The following ARHGAP15 variants were observed in gnomAD, a reference collection of about 807,000 sequenced individuals.
The protein encoded by ARHGAP15 is Rho GTPase activating protein 15.
Under a neutral mutation model 63.7 loss-of-function variants are expected in ARHGAP15, and 51 were observed. The ratio of observed to expected loss-of-function variants is 0.80; its 90% CI spans 0.64 to 1.01. The LOEUF (loss-of-function observed/expected upper bound fraction) is 1.01. Among genes scored for constraint, ARHGAP15 ranks in the 50% least tolerant of loss-of-function variants. ARHGAP15 has a pLI of 0.00. For missense variants in ARHGAP15, 560 were observed against 564.6 expected, an observed-to-expected ratio of 0.99 and a Z score of 0.08; for synonymous variants, 191 against 193.8, an observed-to-expected ratio of 0.99 and a Z score of 0.12.
intron 12 of ARHGAP15, among the ~76,000 whole-genome samples, chr2:143,675,074 C>A (rs1254739467): frequency 6.6e-6 from 1 of 152,208 alleles, no homozygotes. Context: ...GCTTTATCAA[C>A]CAAGTGTATG....
chr2:143,679,662 T>C (rs971611565), intron 12 of ARHGAP15, among the ~76,000 whole-genome samples: 17 of 27,154 alleles, frequency 6.3e-4, no homozygotes, highest in Non-Finnish European at 2.3e-3. Context: ...TGCGTGTGTG[T>C]GTGTGTGTGT....
intron 6 of ARHGAP15, among the ~76,000 whole-genome samples, chr2:143,368,056 A>G (rs1686372736): frequency 6.6e-6 from 1 of 152,060 alleles, no homozygotes; most frequent in Non-Finnish European, 1.5e-5. Flanking sequence ...AGTGGTGCAT[A>G]TATGCTAACA....
At position 143,239,990 on chromosome 2, in the gene ARHGAP15, CAA is replaced by C. The variant is rs60960176; in HGVS notation, c.385-10491_385-10490del. ...TGGGTGATAGAGTGAGACTCTGTCT[CAA>C]AAAAAAAAAAAAAAAAAAAAAAAAA... On this transcript the variant is annotated intron_variant, in intron 5 of 13. Coordinates refer to ENST00000295095, the MANE Select transcript of ARHGAP15 (RefSeq NM_018460.4). Among the ~76,000 whole-genome samples the C allele has an allele frequency of 7.1e-3, 186 of 26,382 alleles. 1 individual carries two copies. Among genetic ancestry groups the C allele is most frequent in the African/African-American group, 0.017 (131 of 7,846 alleles). The allele number at this position is 26,382 out of a possible 152,430, so 17.3% of individuals were successfully genotyped here.
intron 6 of ARHGAP15, among the ~76,000 whole-genome samples, chr2:143,298,212 A>G (rs1682732892): frequency 6.6e-6 from 1 of 151,944 alleles, no homozygotes; most frequent in Non-Finnish European, 1.5e-5. Flanking sequence ...TCATCCACGT[A>G]TGTATTGCTA....
intron 10 of ARHGAP15, among the ~76,000 whole-genome samples, chr2:143,523,145 C>A (rs985837491): frequency 1.3e-5 from 2 of 152,068 alleles, no homozygotes; most frequent in Admixed American, 6.6e-5. Context: ...ATGAAGCAAT[C>A]GAAGCCAAAT....
rs550883988 is a variant in ARHGAP15, at chr2:143,225,330, G to A, written c.297-3251G>A. ...TTAAAAAAAAACAGCGGCCGGGCGC[G>A]GTGGCTCACTCCTGTAATCCCAGCA... On this transcript the variant is annotated intron_variant, in intron 4 of 13. Coordinates refer to ENST00000295095, the MANE Select transcript of ARHGAP15 (RefSeq NM_018460.4). 6.6e-5 allele frequency among the ~76,000 whole-genome samples: 10 copies of A among 152,202 alleles called. No homozygotes were observed. In the South Asian group the frequency reaches 8.3e-4, roughly 13 times the overall value.
intron 8 of ARHGAP15, among the ~76,000 whole-genome samples, chr2:143,460,543 CTTTAT>C (rs1456971084): frequency 1.3e-5 from 2 of 152,114 alleles, no homozygotes; most frequent in Non-Finnish European, 2.9e-5. Context: ...AAATTAGAAT[CTTTAT>C]TTTATACTAA....
chr2:143,579,987 TTC>T (rs201410867), intron 11 of ARHGAP15, among the ~76,000 whole-genome samples: 26,815 of 143,104 alleles, frequency 0.19, 2,875 homozygotes, highest in Middle Eastern at 0.28. Context: ...AAACAAATGT[TTC>T]TTCAAAACAT....
At chr2:143,184,742 C>T (rs1353329427) in intron 2 of ARHGAP15, among the ~76,000 whole-genome samples, 8 of 152,012 alleles carry the variant, frequency 5.3e-5, no homozygotes, top group South Asian at 4.1e-4. Flanking sequence ...AGTACAGTGG[C>T]GTGTTTATAG....
At chr2:143,260,626 T>C (rs74992247) in intron 6 of ARHGAP15, among the ~76,000 whole-genome samples, 6,078 of 152,246 alleles carry the variant, frequency 0.04, 161 homozygotes, top group Middle Eastern at 0.11. Context: ...GAATTAATAT[T>C]ATCCTTTACA....
rs745518068 is a variant in ARHGAP15, at chr2:143,470,140, TA to T, written c.704-17232del. 2.1e-3 allele frequency among the ~76,000 whole-genome samples: 253 copies of T among 118,096 alleles called. 3 individuals are homozygous for T. Among genetic ancestry groups the T allele is most frequent in the Non-Finnish European group, 3.6e-3 (208 of 57,186 alleles). 77.5% of individuals were successfully genotyped at this position (118,096 alleles called of 152,430 possible). A position where few individuals can be genotyped will look rare whatever the true frequency, so the allele number is the denominator to read the frequency against. ...AATGATTTCAGTATATCCATGGATG[TA>T]TAAGTATCCTTAAAAAAAATTTAAC... On this transcript the variant is annotated intron_variant, in intron 8 of 13. Transcript: ENST00000295095.
intron 3 of ARHGAP15, 70 bp from the exon 4 acceptor site, chr2:143,216,314 G>A: frequency 1.7e-6 from 2 of 1,190,654 alleles, no homozygotes; most frequent in Non-Finnish European, 1.2e-6. Flanking sequence ...CTCTTGAAAA[G>A]CATAGGTTTA....
intron 2 of ARHGAP15, among the ~76,000 whole-genome samples, chr2:143,190,878 C>A (rs1452011699): frequency 1.3e-5 from 2 of 152,210 alleles, no homozygotes; most frequent in African/African-American, 2.4e-5. Flanking sequence ...TCAAGCGATT[C>A]TCCTGCCTCA....
At chr2:143,581,564 A>G (rs893335419) in intron 11 of ARHGAP15, among the ~76,000 whole-genome samples, 2 of 152,176 alleles carry the variant, frequency 1.3e-5, no homozygotes, top group Non-Finnish European at 2.9e-5. Context: ...TTAGTACTGT[A>G]TAATCATTTA....
intron 2 of ARHGAP15, among the ~76,000 whole-genome samples, chr2:143,198,169 G>C (rs1691958772): frequency 6.6e-6 from 1 of 152,016 alleles, no homozygotes; most frequent in South Asian, 2.1e-4. Context: ...TAAGGTTTGG[G>C]TGAGAATTAA....
chr2:143,661,317 G>T (rs1681759652), intron 12 of ARHGAP15, among the ~76,000 whole-genome samples: 1 of 152,126 alleles, frequency 6.6e-6, no homozygotes, highest in Non-Finnish European at 1.5e-5. Flanking sequence ...ATCATTGAAG[G>T]TCTATTATTC....
chr2:143,522,229 A>T (rs1694088151), intron 10 of ARHGAP15, among the ~76,000 whole-genome samples: 1 of 152,168 alleles, frequency 6.6e-6, no homozygotes, highest in African/African-American at 2.4e-5. Context: ...CTACCAGAGC[A>T]TTCTCCTTCT....
At chr2:143,394,639 C>G (rs1390809681) in intron 6 of ARHGAP15, among the ~76,000 whole-genome samples, 1 of 152,136 alleles carries the variant, frequency 6.6e-6, no homozygotes, top group East Asian at 1.9e-4. Context: ...TGAAGACTTT[C>G]CCAGGTTAGG....
At chr2:143,728,080 C>A (rs1352640589) in intron 13 of ARHGAP15, among the ~76,000 whole-genome samples, 1 of 152,160 alleles carries the variant, frequency 6.6e-6, no homozygotes, top group Non-Finnish European at 1.5e-5. Context: ...TACGACACAC[C>A]AGGCGGCTTA....
Sources: allele counts gnomAD v4.1 joint callset (sites outside exome capture counted in the v4.1 genomes callset), GRCh38; gene constraint gnomAD v4.1.1; transcripts MANE v1.5; gene names NCBI Gene and HGNC (gene_info 2026-07-23, HGNC 2026-07-21).